The following DNAJB1 variants were observed in gnomAD, a reference collection of about 807,000 sequenced individuals.
DNAJB1 encodes DnaJ heat shock protein family (Hsp40) member B1.
A neutral mutation model predicts 24.0 loss-of-function variants in DNAJB1; 14 were observed. That is an observed-to-expected ratio of 0.58 (90% CI 0.39 to 0.91). The LOEUF is 0.91. Among genes scored for constraint, DNAJB1 ranks in the 40% least tolerant of loss-of-function variants. DNAJB1 has a pLI of 0.00. For missense variants in DNAJB1, 517 were observed against 458.1 expected (o/e 1.13, Z -1.17); for synonymous variants, 262 against 174.4 (o/e 1.50, Z -3.96).
At chr19:14,516,398 G>C (rs2072262475) in intron 2 of DNAJB1, 68 bp downstream of exon 2, 1 of 1,523,036 alleles carries the variant, frequency 6.6e-7, no homozygotes, top group Non-Finnish European at 8.9e-7. Flanking sequence ...CATTGGTTCA[G>C]CAAATACTAA....
At chr19:14,530,330 CAA>C (rs1367652563), upstream of DNAJB1, 2 of 155,206 alleles carry the variant, frequency 1.3e-5, no homozygotes, top group Admixed American at 6.3e-5. Flanking sequence ...TCTTGAAGCC[CAA>C]GTCTTCTGAC....
upstream of DNAJB1, among the ~76,000 whole-genome samples, chr19:14,521,662 C>T (rs2072361731): frequency 1.3e-5 from 2 of 152,076 alleles, no homozygotes; most frequent in Admixed American, 6.6e-5. Flanking sequence ...ACTCTTGTAG[C>T]CCAGGCTGGA....
chr19:14,521,672 A>G (rs1320977074), upstream of DNAJB1, among the ~76,000 whole-genome samples: 2 of 151,850 alleles, frequency 1.3e-5, no homozygotes, highest in Non-Finnish European at 2.9e-5. Flanking sequence ...CCCAGGCTGG[A>G]GTGCAGTGGC....
upstream of DNAJB1, among the ~76,000 whole-genome samples, chr19:14,552,029 C>T (rs2073541059): frequency 1.4e-5 from 2 of 144,914 alleles, no homozygotes; most frequent in Admixed American, 1.4e-4. Context: ...GGCTGGAGTG[C>T]AGTCAGTGGT....
chr19:14,518,577 C>A (rs1247406772), upstream of DNAJB1, among the ~76,000 whole-genome samples: 1 of 151,964 alleles, frequency 6.6e-6, no homozygotes, highest in Non-Finnish European at 1.5e-5. Context: ...CGCGCGGGGC[C>A]ACGCCCCCTC....
At chr19:14,539,430 T>G (rs1374708410) in intron 1 of DNAJB1, among the ~76,000 whole-genome samples, 1 of 152,034 alleles carries the variant, frequency 6.6e-6, no homozygotes, top group Non-Finnish European at 1.5e-5. Context: ...TAGAAGACAG[T>G]CTGGCCACCA....
intron 1 of DNAJB1, among the ~76,000 whole-genome samples, chr19:14,557,659 C>T (rs1415396163): frequency 6.7e-6 from 1 of 150,054 alleles, no homozygotes; most frequent in African/African-American, 2.5e-5. Flanking sequence ...GCCATGTTGT[C>T]CAGGCTGGTC....
chr19:14,542,455 G>A (rs574085334), intron 1 of DNAJB1, among the ~76,000 whole-genome samples: 16 of 142,810 alleles, frequency 1.1e-4, no homozygotes, highest in Non-Finnish European at 2.0e-4. Flanking sequence ...TCCGCCTCCC[G>A]GGTTCAATCA....
intron 1 of DNAJB1, among the ~76,000 whole-genome samples, chr19:14,556,297 C>T (rs2073718676): frequency 6.6e-6 from 1 of 152,124 alleles, no homozygotes; most frequent in South Asian, 2.1e-4. Context: ...TCACACGCCA[C>T]TTTCTCAGAA....
upstream of DNAJB1, chr19:14,529,619 G>C: frequency 1.2e-6 from 2 of 1,609,416 alleles, no homozygotes; most frequent in Non-Finnish European, 1.7e-6. Flanking sequence ...GCGGTTGCGA[G>C]CGCTGTAGGG....
At chr19:14,535,572 AT>A (rs2072862863) in intron 1 of DNAJB1, among the ~76,000 whole-genome samples, 1 of 31,742 alleles carries the variant, frequency 3.2e-5, no homozygotes, top group Non-Finnish European at 7.4e-5. Flanking sequence ...ATATATATAT[AT>A]ATATATATAT....
chr19:14,556,936 G>C (rs2073748331), intron 1 of DNAJB1, among the ~76,000 whole-genome samples: 1 of 152,052 alleles, frequency 6.6e-6, no homozygotes, highest in South Asian at 2.1e-4. Flanking sequence ...GTTAGGGTTT[G>C]GGTTCACTGT....
intron 1 of DNAJB1, among the ~76,000 whole-genome samples, chr19:14,549,347 G>A (rs1001683581): frequency 4.0e-5 from 6 of 151,744 alleles, no homozygotes; most frequent in African/African-American, 1.5e-4. Flanking sequence ...CAAGGAGCTG[G>A]GACTACAGGC....
chr19:14,549,846 G>A (rs956759328), intron 1 of DNAJB1, among the ~76,000 whole-genome samples: 1 of 151,966 alleles, frequency 6.6e-6, no homozygotes, highest in African/African-American at 2.4e-5. Flanking sequence ...AGGAGGCTGA[G>A]GCAGGAGAAT....
chr19:14,529,673 C>T (rs1437416541), upstream of DNAJB1: 3 of 1,613,782 alleles, frequency 1.9e-6, no homozygotes, highest in Non-Finnish European at 2.5e-6. Context: ...AGCCGCGGAG[C>T]AGTAGCCGCC....
chr19:14,546,319 G>A (rs767005828), intron 1 of DNAJB1, among the ~76,000 whole-genome samples: 7 of 152,044 alleles, frequency 4.6e-5, no homozygotes, highest in Non-Finnish European at 8.8e-5. Context: ...AGGTGTAGTG[G>A]CTCACACCTG....
At chr19:14,530,655 A>C (rs2072606850), upstream of DNAJB1, 1 of 152,168 alleles carries the variant, frequency 6.6e-6, no homozygotes, top group Admixed American at 6.6e-5. Context: ...CAAAACAGAT[A>C]GGGGAACTCA....
intron 2 of DNAJB1, 74 bp downstream of exon 2, chr19:14,516,392 G>A: frequency 6.7e-7 from 1 of 1,494,416 alleles, no homozygotes; most frequent in Non-Finnish European, 9.1e-7. Context: ...CCAACACATT[G>A]GTTCAGCAAA....
chr19:14,558,678 C>T lies in DNAJB1; in HGVS notation c.-2166+1353G>A, dbSNP rs1034914188. 2.0e-5 allele frequency among the ~76,000 whole-genome samples: 3 copies of T among 152,254 alleles called. No homozygotes were observed. In the East Asian group the frequency reaches 5.8e-4, roughly 29 times the overall value. ...TGAGGCTATGTGGTCTCACCCCTTG[C>T]CCGTGGCCAGTGCTGGGACCTCGCT... On this transcript the variant is annotated intron_variant, in intron 1 of 5. Coordinates refer to the DNAJB1 transcript ENST00000679223.
Sources: gnomAD v4.1 joint callset for allele counts (sites outside exome capture counted in the v4.1 genomes callset) on GRCh38, gnomAD v4.1.1 for gene constraint, MANE v1.5 for transcripts, NCBI Gene and HGNC (gene_info 2026-07-23, HGNC 2026-07-21) for gene names.